Variants in PDE1A observed in about 807,000 individuals in gnomAD.
The protein encoded by PDE1A is dual specificity calcium/calmodulin-dependent 3',5'-cyclic nucleotide phosphodiesterase 1A.
PDE1A carries 35 observed loss-of-function variants against 61.7 expected under a neutral mutation model. The observed-to-expected ratio is 0.57, with a 90% CI of 0.43 to 0.75. The LOEUF (loss-of-function observed/expected upper bound fraction) is 0.75. Among genes scored for constraint, PDE1A ranks in the 30% least tolerant of loss-of-function variants. The pLI is 0.00. For missense variants in PDE1A, 597 were observed against 630.6 expected (o/e 0.95, Z 0.57); for synonymous variants, 232 against 213.2 (o/e 1.09, Z -0.77).
At chr2:182,570,449 C>G in the PDE1A span, among the ~76,000 whole-genome samples, 1 of 152,042 alleles carries the variant, frequency 6.6e-6, no homozygotes, top group Non-Finnish European at 1.5e-5. Flanking sequence ...AGAGCAAATC[C>G]CTTTCTTATC....
chr2:182,533,124 C>T, the PDE1A span, among the ~76,000 whole-genome samples: 1 of 152,036 alleles, frequency 6.6e-6, no homozygotes, highest in Non-Finnish European at 1.5e-5. Context: ...CAAGCCTGGC[C>T]AACATGGCAA....
At chr2:182,333,836 G>C (rs886976225) in intron 1 of PDE1A, among the ~76,000 whole-genome samples, 8 of 151,990 alleles carry the variant, frequency 5.3e-5, no homozygotes, top group Non-Finnish European at 1.0e-4. Context: ...CCACTAGCCA[G>C]ACCAATAAAG....
chr2:182,341,480 CAT>C (rs1363749330), intron 1 of PDE1A, among the ~76,000 whole-genome samples: 1 of 152,188 alleles, frequency 6.6e-6, no homozygotes, highest in East Asian at 1.9e-4. Flanking sequence ...ATGGTACACT[CAT>C]ATGGGAACTC....
chr2:182,359,254 C>A (rs1309447385), intron 1 of PDE1A, among the ~76,000 whole-genome samples: 4 of 151,984 alleles, frequency 2.6e-5, no homozygotes, highest in African/African-American at 7.2e-5. Flanking sequence ...CCATTTGAAG[C>A]AAAATTTAAG....
At chr2:182,385,640 G>GAAGAAGAAAGAAAGAAAGAAAGAAAGA (rs1700994282) in intron 1 of PDE1A, among the ~76,000 whole-genome samples, 9 of 70,486 alleles carry the variant, frequency 1.3e-4, no homozygotes, top group African/African-American at 3.9e-4. Flanking sequence ...AAAGAAAGAA[G>GAAGAAGAAAGAAAGAAAGAAAGAAAGA]AAGAAAGAAA....
chr2:182,703,096 A>G, the PDE1A span, among the ~76,000 whole-genome samples: 1 of 152,340 alleles, frequency 6.6e-6, no homozygotes, highest in East Asian at 1.9e-4. Flanking sequence ...ATTGGTCTAG[A>G]TAACTTAATG....
chr2:182,302,857 A>G (rs1289305213), intron 1 of PDE1A, among the ~76,000 whole-genome samples: 1 of 152,178 alleles, frequency 6.6e-6, no homozygotes, highest in East Asian at 1.9e-4. Context: ...TATTTCAACA[A>G]TGTTCACAGC....
At chr2:182,361,445 T>C (rs1182284486) in intron 1 of PDE1A, among the ~76,000 whole-genome samples, 1 of 152,058 alleles carries the variant, frequency 6.6e-6, no homozygotes, top group East Asian at 1.9e-4. Flanking sequence ...AACATGAGAG[T>C]TGTATTTAGA....
At chr2:182,639,663 T>C in the PDE1A span, among the ~76,000 whole-genome samples, 1 of 151,896 alleles carries the variant, frequency 6.6e-6, no homozygotes, top group South Asian at 2.1e-4. Flanking sequence ...TATTGACATA[T>C]TTAGGCCAAA....
At chr2:182,583,954 T>C in the PDE1A span, among the ~76,000 whole-genome samples, 7 of 152,208 alleles carry the variant, frequency 4.6e-5, no homozygotes, top group African/African-American at 7.2e-5. Flanking sequence ...ACAATTCCTA[T>C]CAAGAGATTC....
rs148148985 is a variant in PDE1A, at chr2:182,338,309, C to T, written c.54-73895G>A. Among the ~76,000 whole-genome samples, 31 of 152,302 alleles carry T rather than the reference C, an allele frequency of 2.0e-4. No individual in the cohort carries two copies. The East Asian group carries it at 6.0e-3, about 29-fold the overall frequency. Reference sequence around the variant, plus strand: ...CATCTGTAAAATAGGTATAATATCACTCACTTCACAGGGACTTCATGAAAT... The same window carrying T: ...CATCTGTAAAATAGGTATAATATCATTCACTTCACAGGGACTTCATGAAAT... On this transcript the variant is annotated intron_variant, in intron 1 of 13. Coordinates refer to ENST00000351439, the Ensembl canonical transcript of PDE1A.
intron 1 of PDE1A, among the ~76,000 whole-genome samples, chr2:182,412,323 C>G (rs939118171): frequency 1.3e-5 from 2 of 152,146 alleles, no homozygotes; most frequent in Admixed American, 6.5e-5. Flanking sequence ...CCACCCTAAA[C>G]AGTAGACAGT....
the PDE1A span, among the ~76,000 whole-genome samples, chr2:182,694,093 C>G: frequency 2.0e-5 from 3 of 152,130 alleles, no homozygotes; most frequent in East Asian, 1.9e-4. Context: ...AGATTTGCAC[C>G]TATATTTTCT....
chr2:182,352,692 G>A (rs1698957570), intron 1 of PDE1A, among the ~76,000 whole-genome samples: 1 of 151,114 alleles, frequency 6.6e-6, no homozygotes, highest in Non-Finnish European at 1.5e-5. Flanking sequence ...TAATTGTGTG[G>A]GCATTCTGCC....
the PDE1A span, among the ~76,000 whole-genome samples, chr2:182,680,212 C>T: frequency 2.7e-5 from 4 of 150,854 alleles, no homozygotes; most frequent in South Asian, 6.3e-4. Context: ...ACTTTATCAG[C>T]GACTTTTTTT....
intron 2 of PDE1A, among the ~76,000 whole-genome samples, chr2:182,501,163 C>T (rs551641242): frequency 6.6e-5 from 10 of 152,284 alleles, no homozygotes; most frequent in African/African-American, 2.4e-4. Flanking sequence ...AATAGAGGCA[C>T]AACGACCCTT....
At chr2:182,416,083 A>G (rs1390741621) in intron 1 of PDE1A, among the ~76,000 whole-genome samples, 1 of 151,714 alleles carries the variant, frequency 6.6e-6, no homozygotes, top group Admixed American at 6.6e-5. Flanking sequence ...TTCTTCATCT[A>G]TGAAATGGGG....
At chr2:182,456,470 A>G (rs539673310) in intron 2 of PDE1A, among the ~76,000 whole-genome samples, 1 of 152,214 alleles carries the variant, frequency 6.6e-6, no homozygotes, top group East Asian at 1.9e-4. Context: ...AATCAATATA[A>G]TACCTTAGCT....
intron 2 of PDE1A, among the ~76,000 whole-genome samples, chr2:182,432,379 A>G (rs1202953435): frequency 6.6e-6 from 1 of 151,736 alleles, no homozygotes; most frequent in African/African-American, 2.4e-5. Flanking sequence ...ACACTACTCA[A>G]ATGTGAAAAT....
Sources: allele counts gnomAD v4.1 joint callset (sites outside exome capture counted in the v4.1 genomes callset), GRCh38; gene constraint gnomAD v4.1.1; transcripts MANE v1.5; gene names NCBI Gene and HGNC (gene_info 2026-07-23, HGNC 2026-07-21).